Variants in IL1B observed in about 807,000 individuals in gnomAD.
IL1B encodes interleukin 1 beta.
A neutral mutation model predicts 26.2 loss-of-function variants in IL1B; 11 were observed. That is an observed-to-expected ratio of 0.42 (90% confidence interval 0.26 to 0.70). The LOEUF (loss-of-function observed/expected upper bound fraction) is 0.70, where lower values mean the gene tolerates loss of function less well. IL1B is among the 30% of genes least tolerant of loss of function. The pLI is 0.25. For synonymous variants in IL1B, 118 were observed against 120.8 expected, an observed-to-expected ratio of 0.98 and a Z score of 0.15; for missense variants, 255 against 327.5, an observed-to-expected ratio of 0.78 and a Z score of 1.71.
rs539539347 is a variant in IL1B at position 112,830,404 on chromosome 2, C to A, written c.767G>T (p.Gly256Val). ...MPVFLGGTKGGQDITDFTMQF... is the reference protein window; with the variant it reads ...MPVFLGGTKGVQDITDFTMQF... ...CATGGTGAAGTCAGTTATATCCTGG[C>A]CGCCTTTGGTCCCTCCCAGGAAGAC... is the stretch of plus-strand genomic sequence containing the variant. The change falls in exon 7 of 7, where the codon GGC becomes GTC. Residue 256 changes from glycine to valine, a missense_variant. Physicochemically the swap from Gly to Val is moderately radical, Grantham distance 109. Transcript: ENST00000263341. 2 of 1,614,154 alleles carry A rather than the reference C, an allele frequency of 1.2e-6. No homozygotes were observed. Among genetic ancestry groups the A allele is most frequent in the Non-Finnish European group, 1.7e-6 (2 of 1,180,040 alleles).
chr2:112,835,690 A>G (rs947318307), intron 2 of IL1B, 73 bp from the exon 3 acceptor site: 2 of 1,310,210 alleles, frequency 1.5e-6, no homozygotes, highest in African/African-American at 2.9e-5. Flanking sequence ...TGTGTACAAG[A>G]CTTGACTGTT....
In IL1B at chr2:112,833,553, A is replaced by T. The variant is rs1280402394; in HGVS notation, c.122T>A (p.Leu41His). 1 of 1,614,004 alleles carries T rather than the reference A, an allele frequency of 6.2e-7. No homozygotes were observed. Among genetic ancestry groups the T allele is most frequent in the Non-Finnish European group, 8.5e-7 (1 of 1,180,008 alleles). ...QMKCSFQDLD[L>H]CPLDGGIQLR... ...CTGGATGCCGCCATCCAGAGGGCAG[A>T]GGTCCAGGTCCTGGAAGGAGCACTG... is the stretch of plus-strand genomic sequence containing the variant. Residue 41 changes from leucine to histidine, a missense_variant, in exon 4 of 7, where the codon CTC becomes CAC. Transcript: ENST00000263341.
At chr2:112,836,145 GA>G in intron 2 of IL1B, 37 bp downstream of exon 2, 1 of 1,599,418 alleles carries the variant, frequency 6.3e-7, no homozygotes, top group South Asian at 1.1e-5. Flanking sequence ...TGAAAGAGGA[GA>G]CCTGCTCATG....
At position 112,832,665 on chromosome 2, in the gene IL1B, G is replaced by A; in HGVS notation, c.463C>T (p.Gln155Ter). Residue 155 changes from glutamine (Q) to a stop codon, truncating the protein, a stop_gained, in exon 5 of 7, where the codon CAA (glutamine) becomes TAA (stop). Coordinates refer to ENST00000263341, the MANE Select transcript of IL1B (RefSeq NM_000576.3). LOFTEE classifies it high-confidence loss of function. ...AAACCAGGATGTTTCCATTTACCTT[G>A]TTGCTCCATATCCTGTCCCTGGAGG... ...LHLQGQDMEQQVVFSMSFVQG... is the reference protein window; with the variant it reads ...LHLQGQDMEQ 4 of 1,614,036 alleles carry A rather than the reference G, an allele frequency of 2.5e-6. No individual in the cohort carries two copies. The highest frequency in any genetic ancestry group is 2.5e-6 in the Non-Finnish European group (3 of 1,179,978).
chr2:112,834,385 T>C (rs1682047501), intron 3 of IL1B, among the ~76,000 whole-genome samples: 1 of 152,258 alleles, frequency 6.6e-6, no homozygotes, highest in African/African-American at 2.4e-5. Context: ...CACTGTCTCA[T>C]AGGCATTCTG....
At chr2:112,831,498 G>A (rs151186115) in intron 5 of IL1B, 76 bp from the exon 6 acceptor site, 1 of 1,555,084 alleles carries the variant, frequency 6.4e-7, no homozygotes, top group South Asian at 1.1e-5. Context: ...CCCATGAGTA[G>A]GATACATGTA....
At position 112,829,987 on chromosome 2, in the gene IL1B, A is replaced by AAAAC. The variant is rs1002440259; in HGVS notation, c.*370_*373dup. 3.2e-5 allele frequency: 7 copies of AAAAC among 219,022 alleles called. No individual in the cohort carries two copies. The highest frequency in any genetic ancestry group is 5.2e-5 in the Admixed American group (1 of 19,282). 13.6% of individuals were successfully genotyped at this position (219,022 alleles called of 1,614,324 possible). On this transcript the variant is annotated 3_prime_UTR_variant, in exon 7 of 7. Transcript: ENST00000263341. ...CTTTGAATAAATTAGACCAATGAATAAAACAAACAAACAAATAAATAAATA... is the reference window on the plus strand; with the variant it reads ...CTTTGAATAAATTAGACCAATGAATAAAACAAACAAACAAACAAATAAATAAATA...
intron 4 of IL1B, chr2:112,833,108 G>C (rs1354706155): frequency 1.0e-5 from 6 of 599,940 alleles, no homozygotes; most frequent in Non-Finnish European, 1.2e-5. Context: ...CCACAGGGAG[G>C]TTACGAACCT....
At chr2:112,836,337 G>A in intron 1 of IL1B, 93 bp from the exon 2 acceptor site, 1 of 907,166 alleles carries the variant, frequency 1.1e-6, no homozygotes, top group South Asian at 1.3e-5. Context: ...GTCATGCAAA[G>A]AAATGATCTC....
intron 6 of IL1B, chr2:112,831,045 T>C (rs1371987651): frequency 1.2e-5 from 6 of 490,052 alleles, no homozygotes; most frequent in African/African-American, 7.8e-5. Context: ...CCTAACAATA[T>C]ATAATCTGTT....
At chr2:112,835,542 T>A in intron 3 of IL1B, 24 bp downstream of exon 3, 1 of 1,598,966 alleles carries the variant, frequency 6.3e-7, no homozygotes, top group Non-Finnish European at 8.6e-7. Flanking sequence ...TTCCTTGGGT[T>A]GGGAGTTAAA....
chr2:112,835,428 G>A, intron 3 of IL1B, 138 bp downstream of exon 3: 1 of 733,496 alleles, frequency 1.4e-6, no homozygotes, highest in South Asian at 1.5e-5. Context: ...AAGTGGTGCA[G>A]CCTGTGTCTC....
intron 3 of IL1B, 61 bp downstream of exon 3, chr2:112,835,505 C>T: frequency 4.3e-6 from 6 of 1,397,660 alleles, no homozygotes; most frequent in Non-Finnish European, 6.1e-6. Context: ...GAACTCCCTT[C>T]TTTGAGCTTT....
chr2:112,835,544 G>A (rs1188657554), intron 3 of IL1B, 22 bp downstream of exon 3: 6 of 1,601,136 alleles, frequency 3.7e-6, no homozygotes, highest in Non-Finnish European at 5.1e-6. Context: ...CCTTGGGTTG[G>A]GAGTTAAACC....
chr2:112,836,278 A>G (rs1220854976), intron 1 of IL1B, 34 bp from the exon 2 acceptor site: 1 of 1,490,338 alleles, frequency 6.7e-7, no homozygotes, highest in Non-Finnish European at 9.4e-7. Flanking sequence ...TGACTTCCCC[A>G]TGACGGCTAC....
At chr2:112,836,294 T>C in intron 1 of IL1B, 50 bp from the exon 2 acceptor site, 5 of 1,356,870 alleles carry the variant, frequency 3.7e-6, no homozygotes, top group East Asian at 2.3e-5. Context: ...GCTACGTTCA[T>C]GTGTGATTTC....
At chr2:112,833,723 G>GCCACCACGCC in intron 3 of IL1B, 148 bp from the exon 4 acceptor site, 1 of 788,062 alleles carries the variant, frequency 1.3e-6, no homozygotes, top group Non-Finnish European at 2.1e-6. Context: ...GCCAGGCGTG[G>GCCACCACGCC]TGGCTCATGC....
In IL1B at chr2:112,832,687, G is replaced by T. The variant is rs1682009258; in HGVS notation, c.441C>A (p.Leu147=). The T allele has an allele frequency of 6.2e-7, 1 of 1,614,038 alleles. No homozygotes were observed. Among genetic ancestry groups the T allele is most frequent in the African/African-American group, 1.3e-5 (1 of 74,902 alleles). ...CTTGTTGCTCCATATCCTGTCCCTG[G>T]AGGTGGAGAGCTTTCAGTTCATATG... ...SGPYELKALH[L]QGQDMEQQVV... The change falls in exon 5 of 7, where the codon CTC becomes CTA. Residue 147 remains leucine (L), a synonymous_variant. Coordinates refer to ENST00000263341, the MANE Select transcript of IL1B (RefSeq NM_000576.3).
At chr2:112,831,682 A>C (rs1241425806) in intron 5 of IL1B, among the ~76,000 whole-genome samples, 1 of 152,192 alleles carries the variant, frequency 6.6e-6, no homozygotes, top group Non-Finnish European at 1.5e-5. Context: ...AAGAGGGTCT[A>C]CATTTTAAAT....
Sources: gnomAD v4.1 joint callset for allele counts (sites outside exome capture counted in the v4.1 genomes callset) on GRCh38, gnomAD v4.1.1 for gene constraint, MANE v1.5 for transcripts, NCBI Gene and HGNC (gene_info 2026-07-23, HGNC 2026-07-21) for gene names.